ARID1B: variants seen among roughly 807,000 people sequenced by gnomAD.
The protein encoded by ARID1B is AT-rich interactive domain-containing protein 1B.
Under a neutral mutation model 212.3 loss-of-function variants are expected in ARID1B, and 30 were observed. That is an observed-to-expected ratio of 0.14 (90% CI 0.11 to 0.19). The LOEUF (loss-of-function observed/expected upper bound fraction) is 0.19, where lower values mean the gene tolerates loss of function less well. ARID1B is among the 10% of genes least tolerant of loss of function. The pLI is 1.00. For synonymous variants in ARID1B, 1,402 were observed against 1,301.7 expected (o/e 1.08, Z -1.66); for missense variants, 2,891 against 3,204.0 (o/e 0.90, Z 2.36).
Position 157,133,215 on chromosome 6 carries a change from C to T in ARID1B, c.2761+8C>T. ...GCCAGTATGGACCACAAGGTAAAAC[C>T]AAAGCTTCTCCAAAATGCATGGCAG... On this transcript the variant is annotated splice_region_variant and intron_variant, in intron 7 of 19. Transcript: ENST00000636930. 4 of 1,575,970 alleles carry T rather than the reference C, an allele frequency of 2.5e-6. No homozygotes were observed. The highest frequency in any genetic ancestry group is 3.4e-6 in the Non-Finnish European group (4 of 1,165,358).
chr6:157,131,208 A>G (rs993920374), intron 6 of ARID1B, among the ~76,000 whole-genome samples: 5 of 152,324 alleles, frequency 3.3e-5, no homozygotes, highest in South Asian at 2.1e-4. Flanking sequence ...TAGTTTTGTT[A>G]ACCACCACGT....
At chr6:156,968,805 A>G (rs1403266589) in intron 4 of ARID1B, among the ~76,000 whole-genome samples, 1 of 152,210 alleles carries the variant, frequency 6.6e-6, no homozygotes, top group African/African-American at 2.4e-5. Flanking sequence ...TCACAGGGTC[A>G]TTGTCAGGAT....
rs181893503 is a variant in ARID1B at position 156,928,383 on chromosome 6, A to G, written c.2137-7083A>G. ...ACGTGCACAGATTGTAGAAGAGATA[A>G]TGAGTTGTGTGGGGTGGCTCTGAGC... is the stretch of plus-strand genomic sequence containing the variant. On this transcript the variant is annotated intron_variant, in intron 3 of 19. Transcript: ENST00000636930. 4.9e-3 allele frequency among the ~76,000 whole-genome samples: 749 copies of G among 152,246 alleles called. 3 individuals carry two copies. The highest frequency in any genetic ancestry group is 8.5e-3 in the Admixed American group (130 of 15,290).
intron 4 of ARID1B, among the ~76,000 whole-genome samples, chr6:156,998,274 G>T (rs537682757): frequency 1.8e-4 from 27 of 150,502 alleles, no homozygotes; most frequent in Non-Finnish European, 3.7e-4. Flanking sequence ...AGGCTGGAGT[G>T]CAGTGGCGCG....
At chr6:157,083,695 T>C (rs2128459465) in intron 4 of ARID1B, among the ~76,000 whole-genome samples, 1 of 152,314 alleles carries the variant, frequency 6.6e-6, no homozygotes, top group Admixed American at 6.5e-5. Context: ...AAAATATAGA[T>C]GGCATTGACG....
intron 4 of ARID1B, among the ~76,000 whole-genome samples, chr6:156,976,048 A>G (rs2356043): frequency 0.2 from 30,184 of 151,846 alleles, 3,300 homozygotes; most frequent in East Asian, 0.4. Context: ...GGACGGGGGA[A>G]TATCATAAAG....
At chr6:156,977,244 T>A (rs1777309427) in intron 4 of ARID1B, among the ~76,000 whole-genome samples, 1 of 151,886 alleles carries the variant, frequency 6.6e-6, no homozygotes, top group South Asian at 2.1e-4. Flanking sequence ...TGGAAAAAAT[T>A]CAAGTCAGTT....
chr6:157,138,258 CAG>C (rs1373575983), intron 7 of ARID1B, among the ~76,000 whole-genome samples: 1 of 145,996 alleles, frequency 6.8e-6, no homozygotes, highest in Non-Finnish European at 1.5e-5. Context: ...GTTGTTGAGA[CAG>C]AGTCTCACTC....
At chr6:156,985,679 CTT>C (rs1777875683) in intron 4 of ARID1B, 1 of 152,192 alleles carries the variant, frequency 6.6e-6, no homozygotes, top group Non-Finnish European at 1.5e-5. Context: ...ATTATTAAAA[CTT>C]TCACACATGT....
chr6:157,058,625 C>T (rs931074673), intron 4 of ARID1B, among the ~76,000 whole-genome samples: 16 of 152,130 alleles, frequency 1.1e-4, no homozygotes, highest in African/African-American at 3.6e-4. Flanking sequence ...TGTCAGTCAC[C>T]CTCTTTAATA....
rs1355303630 is a variant in ARID1B, at chr6:157,206,363, A to C, written c.5591A>C (p.Asp1864Ala). 1 of 1,614,188 alleles carries C rather than the reference A, an allele frequency of 6.2e-7. No homozygotes were observed. The highest frequency in any genetic ancestry group is 2.2e-5 in the East Asian group (1 of 44,882). Residue 1864 changes from aspartate to alanine, a missense_variant, in exon 20 of 20, where the codon GAC (aspartate) becomes GCC (alanine). Physicochemically the swap from Asp to Ala is moderately radical, Grantham distance 126. Coordinates refer to ENST00000636930, the MANE Select transcript of ARID1B (RefSeq NM_001374828.1). This position sits in a 1 kb window ranked among gnomAD's most constrained non-coding sequence, Gnocchi z 6.8. ...EEEDAECIDD[D>A]EEDEEDEEED... ...GAAGATGCTGAATGTATTGATGACG[A>C]CGAGGAAGACGAGGAGGATGAGGAG...
intron 18 of ARID1B, among the ~76,000 whole-genome samples, chr6:157,202,095 A>T (rs1487282816): frequency 1.3e-5 from 2 of 152,210 alleles, no homozygotes; most frequent in Non-Finnish European, 2.9e-5. Flanking sequence ...GTATGACATA[A>T]AGAATATGCT....
intron 5 of ARID1B, among the ~76,000 whole-genome samples, chr6:157,087,948 A>T (rs1562607289): frequency 6.6e-6 from 1 of 152,226 alleles, no homozygotes; most frequent in African/African-American, 2.4e-5. Flanking sequence ...TTAGCTGAAC[A>T]CTTAGCCCCT....
At chr6:157,146,858 T>A (rs1375902287) in intron 7 of ARID1B, among the ~76,000 whole-genome samples, 1 of 152,218 alleles carries the variant, frequency 6.6e-6, no homozygotes, top group Non-Finnish European at 1.5e-5. Context: ...GTCTTTCGCA[T>A]TTATGTAATT....
intron 2 of ARID1B, among the ~76,000 whole-genome samples, chr6:156,856,700 T>TCTCACACA (rs1168465535): frequency 2.6e-5 from 3 of 114,646 alleles, no homozygotes; most frequent in Admixed American, 1.8e-4. Flanking sequence ...TCTCTCTCTC[T>TCTCACACA]CACACACACA....
chr6:156,912,728 C>T (rs1424964713), intron 3 of ARID1B, among the ~76,000 whole-genome samples: 1 of 152,196 alleles, frequency 6.6e-6, no homozygotes, highest in Non-Finnish European at 1.5e-5. Flanking sequence ...CTGTGATGTA[C>T]ACACTCTGCC....
chr6:156,813,188 C>T (rs1475292174), intron 1 of ARID1B, among the ~76,000 whole-genome samples: 2 of 150,504 alleles, frequency 1.3e-5, no homozygotes, highest in East Asian at 3.9e-4. Flanking sequence ...ACTGCAACCT[C>T]TGCCACCCAG....
intron 7 of ARID1B, among the ~76,000 whole-genome samples, chr6:157,143,017 A>G (rs1421839667): frequency 1.3e-5 from 2 of 152,234 alleles, no homozygotes; most frequent in East Asian, 1.9e-4. Context: ...GGAGTCAGGT[A>G]TAGAAATTTT....
chr6:156,880,360 T>C (rs910598104), intron 2 of ARID1B, among the ~76,000 whole-genome samples: 36 of 152,160 alleles, frequency 2.4e-4, no homozygotes, highest in African/African-American at 8.7e-4. Context: ...GATAAGATGA[T>C]GTAGTGTTTA....
Sources: allele counts gnomAD v4.1 joint callset (sites outside exome capture counted in the v4.1 genomes callset), GRCh38; gene constraint gnomAD v4.1.1; non-coding constraint Gnocchi (gnomAD v3.1); transcripts MANE v1.5; gene names NCBI Gene and HGNC (gene_info 2026-07-23, HGNC 2026-07-21).